Variants in TAFA2 observed in about 807,000 individuals in gnomAD.
TAFA2 encodes the protein TAFA chemokine like family member 2.
A neutral mutation model predicts 18.8 loss-of-function variants in TAFA2; 7 were observed. The observed-to-expected ratio is 0.37, with a 90% CI of 0.21 to 0.70. The LOEUF is 0.70. Ranked by LOEUF, TAFA2 falls within the 30% of genes least tolerant of loss-of-function variation. The probability of loss-of-function intolerance (pLI) is 0.53; values close to 1 mark genes in which losing one functional copy is unlikely to be tolerated. For missense variants in TAFA2, 122 were observed against 158.1 expected, an observed-to-expected ratio of 0.77 and a Z score of 1.23; for synonymous variants, 60 against 54.2, an observed-to-expected ratio of 1.11 and a Z score of -0.47.
intron 1 of TAFA2, among the ~76,000 whole-genome samples, chr12:62,033,183 C>T (rs1881506623): frequency 6.6e-6 from 1 of 152,156 alleles, no homozygotes; most frequent in Admixed American, 6.6e-5. Flanking sequence ...GTTACATCAC[C>T]CTTTAGCAGA....
intron 1 of TAFA2, among the ~76,000 whole-genome samples, chr12:61,936,385 G>T (rs532010745): frequency 8.6e-4 from 130 of 152,046 alleles, no homozygotes; most frequent in African/African-American, 3.1e-3. Flanking sequence ...TCACCAACAT[G>T]GTGAAACCCT....
chr12:62,225,072 C>T (rs1201651887), intron 1 of TAFA2, among the ~76,000 whole-genome samples: 2 of 151,544 alleles, frequency 1.3e-5, no homozygotes, highest in East Asian at 3.9e-4. Flanking sequence ...CCAGCCTGGG[C>T]GACAGAGTGA....
chr12:61,900,862 T>A (rs1027089270), intron 1 of TAFA2, among the ~76,000 whole-genome samples: 4 of 152,204 alleles, frequency 2.6e-5, no homozygotes, highest in African/African-American at 9.7e-5. Flanking sequence ...ATGCTTGTTT[T>A]TAACCTATGA....
At chr12:62,029,549 A>C (rs1297734487) in intron 1 of TAFA2, among the ~76,000 whole-genome samples, 1 of 152,170 alleles carries the variant, frequency 6.6e-6, no homozygotes, top group African/African-American at 2.4e-5. Context: ...ATGTGATAAG[A>C]TGGCTAAGTA....
At chr12:62,131,673 T>A (rs1026290610) in intron 1 of TAFA2, among the ~76,000 whole-genome samples, 1 of 152,014 alleles carries the variant, frequency 6.6e-6, no homozygotes, top group Non-Finnish European at 1.5e-5. Flanking sequence ...CACTTGAGTG[T>A]AAATTTTGTA....
chr12:62,174,922 A>G (rs958607330), intron 1 of TAFA2, among the ~76,000 whole-genome samples: 2 of 152,224 alleles, frequency 1.3e-5, no homozygotes, highest in Non-Finnish European at 2.9e-5. Context: ...ATACAGATAT[A>G]TTCTTGATTA....
At chr12:61,752,482 G>T (rs2120751646) in intron 4 of TAFA2, among the ~76,000 whole-genome samples, 1 of 152,056 alleles carries the variant, frequency 6.6e-6, no homozygotes, top group South Asian at 2.1e-4. Flanking sequence ...AATTAATACG[G>T]ATTATATCAT....
intron 1 of TAFA2, among the ~76,000 whole-genome samples, chr12:61,926,530 G>C (rs973566715): frequency 6.6e-6 from 1 of 152,128 alleles, no homozygotes; most frequent in African/African-American, 2.4e-5. Context: ...TGGAATGCAA[G>C]GCTGGTCCAA....
At chr12:61,770,787 T>C (rs1869991339) in intron 2 of TAFA2, among the ~76,000 whole-genome samples, 2 of 152,038 alleles carry the variant, frequency 1.3e-5, no homozygotes, top group Non-Finnish European at 2.9e-5. Context: ...TAGAATCTCC[T>C]TAAAGCATAA....
chr12:61,914,885 G>A (rs920705157), intron 1 of TAFA2, among the ~76,000 whole-genome samples: 10 of 152,054 alleles, frequency 6.6e-5, no homozygotes, highest in East Asian at 5.8e-4. Flanking sequence ...TGTGTTGGCC[G>A]GGCACAGTGG....
intron 1 of TAFA2, among the ~76,000 whole-genome samples, chr12:61,989,523 C>T (rs1334778323): frequency 6.6e-6 from 1 of 152,146 alleles, no homozygotes; most frequent in African/African-American, 2.4e-5. Context: ...CCAAACCTCT[C>T]AGCACCACCC....
At chr12:62,058,705 A>C (rs112342482) in intron 1 of TAFA2, among the ~76,000 whole-genome samples, 63 of 152,250 alleles carry the variant, frequency 4.1e-4, no homozygotes, top group African/African-American at 1.5e-3. Context: ...TCACGCTTGT[A>C]TTCTCGTCAT....
chr12:62,063,819 A>G (rs1304574124), intron 1 of TAFA2, among the ~76,000 whole-genome samples: 1 of 151,906 alleles, frequency 6.6e-6, no homozygotes, highest in East Asian at 1.9e-4. Flanking sequence ...CAAAATATAA[A>G]GAAAACCAAT....
chr12:62,251,995 C>A (rs1228894351), intron 1 of TAFA2: 1 of 152,230 alleles, frequency 6.6e-6, no homozygotes, highest in Non-Finnish European at 1.5e-5. Context: ...TGAAGCAGCT[C>A]CAGAACTTGG....
intron 1 of TAFA2, among the ~76,000 whole-genome samples, chr12:62,001,819 A>T (rs1880386967): frequency 6.6e-6 from 1 of 152,192 alleles, no homozygotes; most frequent in Non-Finnish European, 1.5e-5. Context: ...AATTATAACT[A>T]CAGCTAATTA....
chr12:62,125,218 G>C (rs987007361), intron 1 of TAFA2, among the ~76,000 whole-genome samples: 5 of 151,976 alleles, frequency 3.3e-5, no homozygotes, highest in African/African-American at 1.2e-4. Flanking sequence ...ATGATTGATA[G>C]GAATTCACCC....
chr12:61,962,744 G>A (rs1474834160), intron 1 of TAFA2, among the ~76,000 whole-genome samples: 1 of 151,834 alleles, frequency 6.6e-6, no homozygotes, highest in East Asian at 1.9e-4. Context: ...GGTCTCATCT[G>A]TATTAAATTT....
chr12:61,803,097 A>T (rs1871465262), intron 2 of TAFA2, among the ~76,000 whole-genome samples: 1 of 152,034 alleles, frequency 6.6e-6, no homozygotes. Context: ...TAGGTGTTTA[A>T]TATTTTGTTC....
At chr12:62,076,675 A>G (rs1386699590) in intron 1 of TAFA2, among the ~76,000 whole-genome samples, 1 of 152,178 alleles carries the variant, frequency 6.6e-6, no homozygotes, top group African/African-American at 2.4e-5. Context: ...CCTACCCCCA[A>G]ACAGAAGGGA....
Sources: gnomAD v4.1 joint callset for allele counts (sites outside exome capture counted in the v4.1 genomes callset) on GRCh38, gnomAD v4.1.1 for gene constraint, MANE v1.5 for transcripts, NCBI Gene and HGNC (gene_info 2026-07-23, HGNC 2026-07-21) for gene names.